DNHD1: variants seen among roughly 807,000 people sequenced by gnomAD.
DNHD1 encodes the protein dynein heavy chain domain-containing protein 1.
A neutral mutation model predicts 458.1 loss-of-function variants in DNHD1; 383 were observed. That is an observed-to-expected ratio of 0.84 (90% CI 0.77 to 0.91). The LOEUF is 0.91. Among genes scored for constraint, DNHD1 ranks in the 40% least tolerant of loss-of-function variants. The pLI is 0.00. For missense variants in DNHD1, 5,336 were observed against 5,866.1 expected, an observed-to-expected ratio of 0.91 and a Z score of 2.95; for synonymous variants, 2,203 against 2,376.9, an observed-to-expected ratio of 0.93 and a Z score of 2.13.
At chr11:6,556,492 G>A (rs965985427) in intron 24 of DNHD1, among the ~76,000 whole-genome samples, 191 bp from the exon 25 acceptor site, 2 of 152,218 alleles carry the variant, frequency 1.3e-5, no homozygotes, top group Non-Finnish European at 2.9e-5. Flanking sequence ...CTAGGGAGAA[G>A]AGAGAAGAAA....
At chr11:6,542,361 C>T (rs762724032) in intron 18 of DNHD1, among the ~76,000 whole-genome samples, 5 of 152,214 alleles carry the variant, frequency 3.3e-5, no homozygotes, top group Non-Finnish European at 7.3e-5. Context: ...ATTCGTAATA[C>T]AAAGTAAAGG....
At chr11:6,553,422 C>G (rs1853402335) in intron 24 of DNHD1, among the ~76,000 whole-genome samples, 1 of 152,166 alleles carries the variant, frequency 6.6e-6, no homozygotes, top group South Asian at 2.1e-4. Flanking sequence ...TACTGTCCCC[C>G]TAAAATCAGT....
At chr11:6,499,853 A>G (rs1191364876) in intron 3 of DNHD1, among the ~76,000 whole-genome samples, 1 of 152,108 alleles carries the variant, frequency 6.6e-6, no homozygotes, top group East Asian at 1.9e-4. Flanking sequence ...GGCGTGAGTC[A>G]CTGCGCCCGG....
At chr11:6,542,616 C>T (rs887696085) in intron 18 of DNHD1, among the ~76,000 whole-genome samples, 1 of 152,168 alleles carries the variant, frequency 6.6e-6, no homozygotes, top group Non-Finnish European at 1.5e-5. Context: ...AACCAAGGAC[C>T]ACATCTTTGT....
Position 6,547,284 on chromosome 11 carries a change from G to A in DNHD1, c.6345G>A (p.Gln2115=), listed in dbSNP as rs1216921847. ...AGCTTAGTCTCCCCAGTGGACAGCA[G>A]ATAGCACGACCCCCAGGCACCTTTC... ...LPQLSLPSGQ[Q]IARPPGTFLL... The change falls in exon 21 of 43, where the codon CAG becomes CAA. Residue 2115 remains glutamine, a synonymous_variant. Coordinates refer to ENST00000254579, the MANE Select transcript of DNHD1 (RefSeq NM_144666.3). 1 of 1,551,870 alleles carries A rather than the reference G, an allele frequency of 6.4e-7. No individual in the cohort carries two copies. The highest frequency in any genetic ancestry group is 8.7e-7 in the Non-Finnish European group (1 of 1,147,012).
intron 10 of DNHD1, 86 bp from the exon 11 acceptor site, chr11:6,528,436 T>TGTGTGA: frequency 6.0e-5 from 70 of 1,160,038 alleles, no homozygotes; most frequent in Non-Finnish European, 7.8e-5. Flanking sequence ...TGTGTGTGTG[T>TGTGTGA]ACACACACTG....
chr11:6,569,868 A>T, intron 39 of DNHD1, 141 bp from the exon 40 acceptor site: 1 of 648,386 alleles, frequency 1.5e-6, no homozygotes, highest in Non-Finnish European at 2.7e-6. Context: ...TGATGATTTC[A>T]GTTGAAAGCA....
At chr11:6,532,284 G>A (rs1852840837) in intron 12 of DNHD1, among the ~76,000 whole-genome samples, 1 of 152,038 alleles carries the variant, frequency 6.6e-6, no homozygotes, top group African/African-American at 2.4e-5. Flanking sequence ...ATAAAATAAT[G>A]GTGCTTCTTA....
chr11:6,544,286 G>C, intron 19 of DNHD1, 40 bp downstream of exon 19: 1 of 1,550,462 alleles, frequency 6.4e-7, no homozygotes, highest in East Asian at 2.4e-5. Flanking sequence ...GGTGAGACCT[G>C]AGGCAGGATG....
At chr11:6,523,792 G>A (rs1852652471) in intron 10 of DNHD1, among the ~76,000 whole-genome samples, 1 of 152,058 alleles carries the variant, frequency 6.6e-6, no homozygotes. Flanking sequence ...TTTGAGGCCA[G>A]TGTGAGCAAC....
rs576849119 is a variant in DNHD1, at chr11:6,521,487, G to C, written c.1837+1198G>C. ...TACTTTTAAAAAAGCACACGGATTG[G>C]TATGTTTAGGGGTGAAATGTCATAA... On this transcript the variant is annotated intron_variant, in intron 10 of 42. Transcript: ENST00000254579. Among the ~76,000 whole-genome samples the C allele has an allele frequency of 5.3e-5, 8 of 152,124 alleles. No homozygotes were observed. The South Asian group carries it at 1.2e-3, about 24-fold the overall frequency.
intron 7 of DNHD1, among the ~76,000 whole-genome samples, chr11:6,516,905 T>C (rs542200487): frequency 6.6e-6 from 1 of 152,336 alleles, no homozygotes; most frequent in East Asian, 1.9e-4. Context: ...TCTCCTGGAA[T>C]CTTCTTCAAG....
chr11:6,511,872 G>A (rs758445254), intron 7 of DNHD1, among the ~76,000 whole-genome samples: 15 of 152,176 alleles, frequency 9.9e-5, no homozygotes, highest in Non-Finnish European at 1.9e-4. Flanking sequence ...TTGCATCTGT[G>A]ATGCACAACC....
At position 6,562,322 on chromosome 11, in the gene DNHD1, C is replaced by T. The variant is rs545075200; in HGVS notation, c.9520-660C>T. 2.0e-5 allele frequency among the ~76,000 whole-genome samples: 3 copies of T among 152,166 alleles called. 1 individual carries two copies. The highest frequency in any genetic ancestry group is 4.1e-4 in the South Asian group (2 of 4,834). On this transcript the variant is annotated intron_variant, in intron 28 of 42. Transcript: ENST00000254579. ...GAGAGCTGAGGACGCATAACCAATACATTCATTTGGGGACATGTGGAGTCT... is the reference window on the plus strand; with the variant it reads ...GAGAGCTGAGGACGCATAACCAATATATTCATTTGGGGACATGTGGAGTCT...
Position 6,563,788 on chromosome 11 carries a change from G to A in DNHD1, c.9948G>A (p.Leu3316=). The A allele has an allele frequency of 1.3e-6, 2 of 1,551,654 alleles. No individual in the cohort carries two copies. Among genetic ancestry groups the A allele is most frequent in the Non-Finnish European group, 1.7e-6 (2 of 1,147,000 alleles). ...LKAPGMDDAA[L]RAVSRPAASL... ...CTCCAGGTATGGACGATGCAGCCCT[G>A]CGGGCAGTGAGCCGACCTGCAGCCA... is the stretch of plus-strand genomic sequence containing the variant. The change falls in exon 31 of 43, where the codon CTG becomes CTA. Residue 3316 remains leucine, a synonymous_variant. Transcript: ENST00000254579.
chr11:6,508,698 C>A (rs1852274264), intron 4 of DNHD1, 182 bp from the exon 5 acceptor site: 1 of 613,058 alleles, frequency 1.6e-6, no homozygotes, highest in Non-Finnish European at 2.8e-6. Context: ...GCTTCGGTTT[C>A]TTCTTAATAA....
In DNHD1 at chr11:6,548,646, C is replaced by T. The variant is rs1853272734; in HGVS notation, c.7100C>T (p.Thr2367Ile). 2.6e-6 allele frequency: 4 copies of T among 1,551,444 alleles called. No homozygotes were observed. The highest frequency in any genetic ancestry group is 3.5e-6 in the Non-Finnish European group (4 of 1,146,946). ...GTAAGTCCCACTTCTGTCTTGCAGA[C>T]TGAACGGCTCTTGTATGTGGTGGAC... ...TLGTFHPSIQ[T>I]ERLLYVVDLL... Residue 2367 changes from threonine (T) to isoleucine (I), a missense_variant and splice_region_variant, in exon 24 of 43, where the codon ACT becomes ATT. Thr to Ile is a moderately conservative substitution (Grantham distance 89, BLOSUM62 -1). Around this residue, in one of 4 missense-constraint regions of DNHD1, gnomAD observed 3,932 missense variants for 4,365.6 expected, o/e 0.90. Coordinates refer to ENST00000254579, the MANE Select transcript of DNHD1 (RefSeq NM_144666.3). This position sits in a 1 kb window ranked among gnomAD's most constrained non-coding sequence, Gnocchi z 4.4.
intron 3 of DNHD1, among the ~76,000 whole-genome samples, chr11:6,501,237 A>C (rs1852128507): frequency 6.6e-6 from 1 of 151,942 alleles, no homozygotes. Context: ...TGTGAAGCTT[A>C]GCTTGAAGGG....
In DNHD1 at chr11:6,557,693, A is replaced by G. The variant is rs184817446; in HGVS notation, c.8398A>G (p.Ile2800Val). ...WWQKKPQMDL[I>V]SPLLLPVLLL... ...GCAGAAGAAACCCCAGATGGACCTG[A>G]TCTCACCCTTGTTGTTACCAGTGTT... Residue 2800 changes from isoleucine (I) to valine (V), a missense_variant, in exon 25 of 43, where the codon ATC (isoleucine) becomes GTC (valine). Around this residue, in one of 4 missense-constraint regions of DNHD1, gnomAD observed 3,932 missense variants for 4,365.6 expected, o/e 0.90. Coordinates refer to ENST00000254579, the MANE Select transcript of DNHD1 (RefSeq NM_144666.3). The G allele has an allele frequency of 1.2e-5, 18 of 1,551,724 alleles. No individual in the cohort carries two copies. In the Admixed American group the frequency reaches 3.3e-4, roughly 29 times the overall value.
Sources: allele counts gnomAD v4.1 joint callset (sites outside exome capture counted in the v4.1 genomes callset), GRCh38; gene constraint gnomAD v4.1.1; regional missense constraint gnomAD v4.1.1; non-coding constraint Gnocchi (gnomAD v3.1); transcripts MANE v1.5; gene names NCBI Gene and HGNC (gene_info 2026-07-23, HGNC 2026-07-21).